Variants in PIK3R4 observed in about 807,000 individuals in gnomAD.
PIK3R4 encodes the protein phosphoinositide 3-kinase regulatory subunit 4.
In PIK3R4, 46 loss-of-function variants were observed where a neutral mutation model predicts 136.5. That is an observed-to-expected ratio of 0.34 (90% CI 0.27 to 0.43). The LOEUF is 0.43. Ranked by LOEUF, PIK3R4 falls within the 20% of genes least tolerant of loss-of-function variation. The probability of loss-of-function intolerance (pLI) is 1.00; values close to 1 mark genes in which losing one functional copy is unlikely to be tolerated. For missense variants in PIK3R4, 1,331 were observed against 1,649.5 expected, an observed-to-expected ratio of 0.81 and a Z score of 3.35; for synonymous variants, 557 against 566.7, an observed-to-expected ratio of 0.98 and a Z score of 0.24.
chr3:130,687,588 T>A (rs542739385), intron 14 of PIK3R4, among the ~76,000 whole-genome samples: 2 of 152,318 alleles, frequency 1.3e-5, no homozygotes, highest in African/African-American at 4.8e-5. Context: ...TCCTTCTACA[T>A]TAGTTGACTG....
intron 2 of PIK3R4, among the ~76,000 whole-genome samples, chr3:130,739,429 T>G (rs540364652): frequency 1.3e-5 from 2 of 152,150 alleles, no homozygotes; most frequent in South Asian, 4.1e-4. Flanking sequence ...TGGAGTGCAG[T>G]GGTGTGATCA....
In PIK3R4 at chr3:130,744,544, T is replaced by C. The variant is rs1211939130; in HGVS notation, c.675A>G (p.Leu225=). ...MRDPSTPLVD[L]NSNQRTRGEL... is the part of the protein sequence containing the mutation. ...CTCCTCTTGTTCTCTGATTGCTATTTAAGTCTACAAGCGGAGTTGAAGGAT... is the reference window on the plus strand; with the variant it reads ...CTCCTCTTGTTCTCTGATTGCTATTCAAGTCTACAAGCGGAGTTGAAGGAT... The change falls in exon 2 of 20, where the codon TTA becomes TTG. Residue 225 remains leucine (L), a synonymous_variant. Coordinates refer to ENST00000356763, the MANE Select transcript of PIK3R4 (RefSeq NM_014602.3). 3 of 1,614,200 alleles carry C rather than the reference T, an allele frequency of 1.9e-6. No homozygotes were observed. The highest frequency in any genetic ancestry group is 3.3e-4 in the Middle Eastern group (2 of 6,062).
rs1426625876 is a variant in PIK3R4 at position 130,688,425 on chromosome 3, G to A, written c.3264-2003C>T. 2.0e-5 allele frequency among the ~76,000 whole-genome samples: 3 copies of A among 152,304 alleles called. No individual in the cohort carries two copies. The East Asian group carries it at 5.8e-4, about 29-fold the overall frequency. Reference sequence around the variant, plus strand: ...TCCTTTATTCGCCATGCCCTTCAATGTGATTATGTGATTCACTTGTAAAAC... The same window carrying A: ...TCCTTTATTCGCCATGCCCTTCAATATGATTATGTGATTCACTTGTAAAAC... On this transcript the variant is annotated intron_variant, in intron 14 of 19. Coordinates refer to ENST00000356763, the MANE Select transcript of PIK3R4 (RefSeq NM_014602.3).
intron 13 of PIK3R4, among the ~76,000 whole-genome samples, chr3:130,698,209 T>C (rs546801652): frequency 6.6e-6 from 1 of 152,326 alleles, no homozygotes; most frequent in South Asian, 2.1e-4. Context: ...TTAGAATTCA[T>C]TGAATTCTTG....
At position 130,681,065 on chromosome 3, in the gene PIK3R4, G is replaced by C. The variant is rs752038224; in HGVS notation, c.3709C>G (p.Pro1237Ala). 3.9e-6 allele frequency: 6 copies of C among 1,533,432 alleles called. No individual in the cohort carries two copies. The Admixed American group carries it at 5.0e-5, about 13-fold the overall frequency. 95.0% of individuals were successfully genotyped at this position (1,533,432 alleles called of 1,614,324 possible). A position where few individuals can be genotyped will look rare whatever the true frequency, so the allele number is the denominator to read the frequency against. The change falls in exon 18 of 20, where the codon CCT becomes GCT. Residue 1237 changes from proline to alanine, a missense_variant and splice_region_variant. Physicochemically the swap from Pro to Ala is conservative, Grantham distance 27. Transcript: ENST00000356763. Reference sequence around the variant, plus strand: ...ATACCATGGACGCTATGAGGAGAAGGCTTAAAAGAAATAGATGTGGAGTCA... The same window carrying C: ...ATACCATGGACGCTATGAGGAGAAGCCTTAAAAGAAATAGATGTGGAGTCA... The part of the protein sequence containing the change: ...SSAPPLSELQ[P>A]SPHSVHGIYC...
chr3:130,707,006 T>C lies in PIK3R4; in HGVS notation c.2663A>G (p.Lys888Arg). ...AGCAGAGGACTCGGAACGAGGAGGT[T>C]TCCCAGTCTGAATCACCTCCTGATC... The part of the protein sequence containing the change: ...GSDQEVIQTG[K>R]PPRSESSAGI... Residue 888 changes from lysine (K) to arginine (R), a missense_variant, in exon 11 of 20, where the codon AAA becomes AGA. By Grantham distance (26) the Lys-to-Arg change is conservative. Transcript: ENST00000356763. The C allele has an allele frequency of 6.2e-7, 1 of 1,613,044 alleles. No individual in the cohort carries two copies. Among genetic ancestry groups the C allele is most frequent in the African/African-American group, 1.3e-5 (1 of 74,996 alleles).
chr3:130,706,273 C>G (rs1209273111), intron 11 of PIK3R4, among the ~76,000 whole-genome samples: 1 of 152,180 alleles, frequency 6.6e-6, no homozygotes, highest in Non-Finnish European at 1.5e-5. Flanking sequence ...TACTGAACAT[C>G]ACAGCTTAGC....
intron 7 of PIK3R4, among the ~76,000 whole-genome samples, chr3:130,722,416 A>T (rs1178398748): frequency 2.0e-5 from 3 of 152,210 alleles, no homozygotes; most frequent in Non-Finnish European, 4.4e-5. Context: ...AAATCTCCAC[A>T]AACTTTGAGT....
intron 1 of PIK3R4, 48 bp from the exon 2 acceptor site, chr3:130,745,312 G>T: frequency 8.0e-7 from 1 of 1,247,334 alleles, no homozygotes; most frequent in Non-Finnish European, 1.1e-6. Flanking sequence ...AAACAAAGAA[G>T]CTGTGAAACA....
At chr3:130,722,511 C>T (rs2066707685) in intron 7 of PIK3R4, among the ~76,000 whole-genome samples, 1 of 152,070 alleles carries the variant, frequency 6.6e-6, no homozygotes, top group African/African-American at 2.4e-5. Flanking sequence ...ATGCTAATTA[C>T]AAGCTATATT....
At chr3:130,735,658 AT>A (rs200711191) in intron 3 of PIK3R4, among the ~76,000 whole-genome samples, 4 of 152,102 alleles carry the variant, frequency 2.6e-5, no homozygotes, top group Admixed American at 1.3e-4. Context: ...TAATAAATAG[AT>A]TTTTTTTAAG....
rs370109480 is a variant in PIK3R4, at chr3:130,686,191, T to C, written c.3475+20A>G. 3.0e-5 allele frequency: 46 copies of C among 1,544,754 alleles called. No individual in the cohort carries two copies. The African/African-American group carries it at 5.2e-4, about 17-fold the overall frequency. On this transcript the variant is annotated intron_variant, in intron 15 of 19. Coordinates refer to ENST00000356763, the MANE Select transcript of PIK3R4 (RefSeq NM_014602.3). ...TTAGTGGCATTCAAAACCCAGCCAA[T>C]GACTTGAAAGTTAGCTTACCAATGC...
chr3:130,716,628 C>A (rs1232373791), intron 8 of PIK3R4, 29 bp from the exon 9 acceptor site: 1 of 1,387,774 alleles, frequency 7.2e-7, no homozygotes, highest in African/African-American at 1.4e-5. Context: ...AAGGATCAGC[C>A]AAAAATATAA....
chr3:130,695,467 T>C (rs1196439033), intron 13 of PIK3R4, among the ~76,000 whole-genome samples: 3 of 152,166 alleles, frequency 2.0e-5, no homozygotes, highest in Non-Finnish European at 4.4e-5. Flanking sequence ...CTGTGCACCA[T>C]TCTGAGTAGT....
At chr3:130,723,772 C>T (rs56074775) in intron 6 of PIK3R4, 185 bp from the exon 7 acceptor site, 26 of 489,452 alleles carry the variant, frequency 5.3e-5, no homozygotes, top group Non-Finnish European at 2.5e-5. Flanking sequence ...TCAGGAAATT[C>T]TCGGACACCA....
At chr3:130,696,942 T>C (rs1321015319) in intron 13 of PIK3R4, among the ~76,000 whole-genome samples, 2 of 152,166 alleles carry the variant, frequency 1.3e-5, no homozygotes, top group East Asian at 3.8e-4. Flanking sequence ...GTTAAGTATG[T>C]TTGTAATTGT....
chr3:130,710,845 C>A (rs1251463580), intron 9 of PIK3R4, among the ~76,000 whole-genome samples: 1 of 151,512 alleles, frequency 6.6e-6, no homozygotes, highest in Non-Finnish European at 1.5e-5. Context: ...AGGTTCAATG[C>A]AATCTCAATC....
At chr3:130,718,250 T>C (rs2066677587) in intron 8 of PIK3R4, 139 bp downstream of exon 8, 1 of 688,368 alleles carries the variant, frequency 1.5e-6, no homozygotes, top group Non-Finnish European at 2.4e-6. Flanking sequence ...TAACATTAAT[T>C]AGCTTGAAAG....
At chr3:130,718,340 A>C (rs2066678313) in intron 8 of PIK3R4, 49 bp downstream of exon 8, 1 of 1,529,710 alleles carries the variant, frequency 6.5e-7, no homozygotes, top group African/African-American at 1.4e-5. Flanking sequence ...TTTTTTTTAA[A>C]GAGGCACAGT....
Sources: gnomAD v4.1 joint callset for allele counts (sites outside exome capture counted in the v4.1 genomes callset) on GRCh38, gnomAD v4.1.1 for gene constraint, MANE v1.5 for transcripts, NCBI Gene and HGNC (gene_info 2026-07-23, HGNC 2026-07-21) for gene names.